GCFC2: variants seen among roughly 807,000 people sequenced by gnomAD.
The protein encoded by GCFC2 is intron Large complex component GCFC2.
Under a neutral mutation model 99.4 loss-of-function variants are expected in GCFC2, and 102 were observed. That is an observed-to-expected ratio of 1.03 (90% confidence interval 0.87 to 1.21). The LOEUF (loss-of-function observed/expected upper bound fraction) is 1.21. Ranked by LOEUF, GCFC2 falls within the 50% of genes most tolerant of loss-of-function variation. GCFC2 has a pLI of 0.00. For synonymous variants in GCFC2, 338 were observed against 316.8 expected (o/e 1.07, Z -0.71); for missense variants, 973 against 920.9 (o/e 1.06, Z -0.73).
At chr2:75,672,644 T>A (rs1184377151) in intron 13 of GCFC2, among the ~76,000 whole-genome samples, 2 of 152,254 alleles carry the variant, frequency 1.3e-5, no homozygotes, top group East Asian at 3.9e-4. Flanking sequence ...GTTTTATAAT[T>A]TAAAGTGACT....
intron 10 of GCFC2, 147 bp from the exon 11 acceptor site, chr2:75,688,124 TA>T: frequency 1.7e-6 from 1 of 585,808 alleles, no homozygotes; most frequent in Non-Finnish European, 2.9e-6. Context: ...CCACCAAGGC[TA>T]GGCAGGATTG....
At chr2:75,698,420 C>T (rs941599339) in intron 4 of GCFC2, among the ~76,000 whole-genome samples, 8 of 151,910 alleles carry the variant, frequency 5.3e-5, no homozygotes, top group African/African-American at 1.7e-4. Context: ...TGCAAATAAC[C>T]TAAAATGTCC....
intron 7 of GCFC2, among the ~76,000 whole-genome samples, chr2:75,691,308 G>T (rs1219287149): frequency 6.6e-6 from 1 of 151,888 alleles, no homozygotes; most frequent in Non-Finnish European, 1.5e-5. Flanking sequence ...ATATCTTATT[G>T]TACTGTACTT....
intron 11 of GCFC2, among the ~76,000 whole-genome samples, chr2:75,686,973 C>T (rs796821444): frequency 1.3e-5 from 2 of 150,028 alleles, no homozygotes; most frequent in African/African-American, 4.9e-5. Context: ...TCACTCTTGT[C>T]ACCCAGGCTG....
chr2:75,689,223 C>T lies in GCFC2; in HGVS notation c.1342G>A (p.Asp448Asn), dbSNP rs1558742134. 1 of 1,544,984 alleles carries T rather than the reference C, an allele frequency of 6.5e-7. No individual in the cohort carries two copies. Among genetic ancestry groups the T allele is most frequent in the East Asian group, 2.3e-5 (1 of 44,280 alleles). Residue 448 changes from aspartate to asparagine, a missense_variant and splice_region_variant, in exon 10 of 17, where the codon GAC becomes AAC. Transcript: ENST00000321027. Reference sequence around the variant, plus strand: ...ACTTTCTTCTGTTTCTGTAAAATGTCACCTGTAAACAAAATAAGTCTCTTT... The same window carrying T: ...ACTTTCTTCTGTTTCTGTAAAATGTTACCTGTAAACAAAATAAGTCTCTTT... ...EMIDFQKSQG[D>N]ILQKQKKVFE...
chr2:75,686,680 A>ACTG (rs1371291071), intron 11 of GCFC2, among the ~76,000 whole-genome samples: 8 of 152,246 alleles, frequency 5.3e-5, no homozygotes, highest in Non-Finnish European at 7.4e-5. Flanking sequence ...GGAATTCAAG[A>ACTG]CTGACTTGAG....
chr2:75,678,775 G>A (rs1679451707), intron 12 of GCFC2, among the ~76,000 whole-genome samples: 1 of 152,142 alleles, frequency 6.6e-6, no homozygotes, highest in Non-Finnish European at 1.5e-5. Context: ...AAGAGACAGG[G>A]TTTTGCTGTT....
At chr2:75,664,922 G>C (rs1342412276) in intron 16 of GCFC2, 139 bp from the exon 17 acceptor site, 2 of 591,408 alleles carry the variant, frequency 3.4e-6, no homozygotes, top group East Asian at 2.7e-5. Flanking sequence ...ATAAAACACA[G>C]AGAGATGCTG....
At chr2:75,705,393 G>T (rs1385602619) in intron 2 of GCFC2, among the ~76,000 whole-genome samples, 3 of 152,014 alleles carry the variant, frequency 2.0e-5, no homozygotes, top group Non-Finnish European at 4.4e-5. Flanking sequence ...AGAGTCCGAG[G>T]TGGGCAGATC....
At position 75,692,037 on chromosome 2, in the gene GCFC2, A is replaced by C; in HGVS notation, c.1084T>G (p.Phe362Val). The C allele has an allele frequency of 6.4e-7, 1 of 1,556,852 alleles. No homozygotes were observed. The highest frequency in any genetic ancestry group is 8.8e-7 in the Non-Finnish European group (1 of 1,141,870). Reference sequence around the variant, plus strand: ...AATTCATCTTGCCTGCGTTTCATAAAGGTCATAGCTTGTTTTAAAAGGAGT... The same window carrying C: ...AATTCATCTTGCCTGCGTTTCATAACGGTCATAGCTTGTTTTAAAAGGAGT... Reference protein sequence around the residue: ...HALLLKQAMTFMKRRQDELKH... With the variant: ...HALLLKQAMTVMKRRQDELKH... The change falls in exon 7 of 17, where the codon TTT becomes GTT. Residue 362 changes from phenylalanine (F) to valine (V), a missense_variant. Physicochemically the swap from Phe to Val is conservative, Grantham distance 50. Transcript: ENST00000321027.
intron 12 of GCFC2, among the ~76,000 whole-genome samples, chr2:75,675,088 T>C (rs912882363): frequency 1.3e-5 from 2 of 152,204 alleles, no homozygotes; most frequent in Non-Finnish European, 2.9e-5. Context: ...TCCCATATTG[T>C]TTAAATTTTG....
At chr2:75,711,079 C>T (rs565865768), upstream of GCFC2, 16 of 1,306,246 alleles carry the variant, frequency 1.2e-5, no homozygotes, top group South Asian at 1.2e-4. Flanking sequence ...AAAGCATTCC[C>T]TTTGCCAGGT....
chr2:75,708,203 A>T (rs1478189749), intron 1 of GCFC2, among the ~76,000 whole-genome samples: 1 of 152,208 alleles, frequency 6.6e-6, no homozygotes, highest in African/African-American at 2.4e-5. Flanking sequence ...CAATAAAATG[A>T]GAGATTTCAA....
chr2:75,697,971 G>C (rs1680406091), intron 4 of GCFC2: 1 of 152,206 alleles, frequency 6.6e-6, no homozygotes. Flanking sequence ...CCAGACCTCA[G>C]AGCGAATAAA....
intron 15 of GCFC2, among the ~76,000 whole-genome samples, chr2:75,666,275 A>G (rs534475409): frequency 1.3e-5 from 2 of 151,904 alleles, no homozygotes; most frequent in Non-Finnish European, 2.9e-5. Flanking sequence ...CTCTATGAAC[A>G]CTCCCTGGTA....
At chr2:75,712,732 C>T (rs1335888567), upstream of GCFC2, among the ~76,000 whole-genome samples, 1 of 152,166 alleles carries the variant, frequency 6.6e-6, no homozygotes. Context: ...CACAAACCCA[C>T]CAGAAGGAAG....
chr2:75,699,195 C>T (rs1448504344), intron 4 of GCFC2, among the ~76,000 whole-genome samples: 2 of 152,100 alleles, frequency 1.3e-5, no homozygotes, highest in Admixed American at 6.5e-5. Flanking sequence ...CAGGAACACA[C>T]ATCTCATTAG....
At chr2:75,681,485 A>G (rs1013105786) in intron 11 of GCFC2, among the ~76,000 whole-genome samples, 1 of 151,894 alleles carries the variant, frequency 6.6e-6, no homozygotes, top group Admixed American at 6.5e-5. Flanking sequence ...TGTGGGTTTC[A>G]TGCACAAAAC....
At chr2:75,711,934 G>A (rs1219854207), upstream of GCFC2, among the ~76,000 whole-genome samples, 2 of 152,232 alleles carry the variant, frequency 1.3e-5, no homozygotes, top group Admixed American at 6.5e-5. Context: ...CAGTCCCATC[G>A]ACCACCCAAG....
Sources: gnomAD v4.1 joint callset for allele counts (sites outside exome capture counted in the v4.1 genomes callset) on GRCh38, gnomAD v4.1.1 for gene constraint, MANE v1.5 for transcripts, NCBI Gene and HGNC (gene_info 2026-07-23, HGNC 2026-07-21) for gene names.